Variants in GLCCI1 observed in about 807,000 individuals in gnomAD.
GLCCI1 encodes glucocorticoid-induced transcript 1 protein.
GLCCI1 carries 24 observed loss-of-function variants against 52.2 expected under a neutral mutation model. The ratio of observed to expected loss-of-function variants is 0.46; its 90% CI spans 0.33 to 0.65. GLCCI1 has a LOEUF of 0.65. GLCCI1 is among the 30% of genes least tolerant of loss of function. The pLI, the probability that GLCCI1 is intolerant of heterozygous loss-of-function variation, is 0.02. For missense variants in GLCCI1, 704 were observed against 701.5 expected, an observed-to-expected ratio of 1.00 and a Z score of -0.04; for synonymous variants, 310 against 276.5, an observed-to-expected ratio of 1.12 and a Z score of -1.20.
chr7:8,004,255 C>T (rs566903634), intron 2 of GLCCI1, 196 bp downstream of exon 2: 6 of 516,730 alleles, frequency 1.2e-5, no homozygotes, highest in African/African-American at 9.5e-5. Context: ...TTTTGAAATT[C>T]TTTAATACTT....
At chr7:8,011,473 T>C (rs189828237) in intron 2 of GLCCI1, among the ~76,000 whole-genome samples, 1 of 152,342 alleles carries the variant, frequency 6.6e-6, no homozygotes, top group Admixed American at 6.5e-5. Flanking sequence ...TGTGTCAAAA[T>C]TTCCTTCCTT....
chr7:7,984,121 C>T (rs1012361364), intron 1 of GLCCI1, among the ~76,000 whole-genome samples: 2 of 152,104 alleles, frequency 1.3e-5, no homozygotes, highest in South Asian at 4.1e-4. Context: ...ATTGCAGTGG[C>T]GCAATCATGG....
chr7:8,076,713 CTTAA>C (rs905196875), intron 6 of GLCCI1, among the ~76,000 whole-genome samples: 3 of 152,116 alleles, frequency 2.0e-5, no homozygotes, highest in Non-Finnish European at 4.4e-5. Flanking sequence ...ATATATTTCA[CTTAA>C]TTGTTTGTCT....
At position 8,086,638 on chromosome 7, in the gene GLCCI1, T is replaced by C; in HGVS notation, c.*100T>C. 1.1e-6 allele frequency: 1 copy of C among 882,116 alleles called. No individual in the cohort carries two copies. Among genetic ancestry groups the C allele is most frequent in the Non-Finnish European group, 1.8e-6 (1 of 567,382 alleles). The allele number at this position is 882,116 out of a possible 1,614,324, so 54.6% of individuals were successfully genotyped here. On this transcript the variant is annotated 3_prime_UTR_variant, in exon 8 of 8. Transcript: ENST00000223145. The surrounding 1 kb of genome is among the most constrained non-coding windows in gnomAD (Gnocchi z 4.4). Reference sequence around the variant, plus strand: ...ACTTTCTGAACACCACCACCACCAATAATACTTATCAGCATCATAAAGTAT... The same window carrying C: ...ACTTTCTGAACACCACCACCACCAACAATACTTATCAGCATCATAAAGTAT...
chr7:7,979,931 T>G (rs1340251501), intron 1 of GLCCI1, among the ~76,000 whole-genome samples: 3 of 152,166 alleles, frequency 2.0e-5, no homozygotes, highest in Non-Finnish European at 4.4e-5. Context: ...TTTCTTTATC[T>G]TTCTGTCTTT....
At chr7:7,976,615 A>G (rs1037051816) in intron 1 of GLCCI1, among the ~76,000 whole-genome samples, 18 of 151,254 alleles carry the variant, frequency 1.2e-4, no homozygotes, top group Admixed American at 4.6e-4. Flanking sequence ...GGTTATTAGA[A>G]TTGTTAAGAA....
intron 3 of GLCCI1, among the ~76,000 whole-genome samples, chr7:8,023,408 A>T (rs955969164): frequency 2.6e-5 from 4 of 151,910 alleles, no homozygotes; most frequent in African/African-American, 9.7e-5. Flanking sequence ...ATTTATTATG[A>T]ATAACCTGAG....
Position 8,003,929 on chromosome 7 carries a change from A to G in GLCCI1, c.479A>G (p.Gln160Arg). 6.2e-7 allele frequency: 1 copy of G among 1,612,036 alleles called. No homozygotes were observed. ...VCRADKAKSQ[Q>R]VRTSSTIRRT... ...GTAGCGGACAAGGCAAAATCTCAGC[A>G]AGTTCGGACCTCTAGTACAATAAGG... Residue 160 changes from glutamine to arginine, a missense_variant, in exon 2 of 8, where the codon CAA becomes CGA. Gln to Arg is a conservative substitution (Grantham distance 43). This residue lies in a region of GLCCI1 where 547 missense variants were observed against 524.8 expected (regional missense o/e 1.04). Transcript: ENST00000223145.
intron 3 of GLCCI1, among the ~76,000 whole-genome samples, chr7:8,048,419 T>G (rs1042846004): frequency 7.9e-5 from 12 of 151,330 alleles, no homozygotes; most frequent in Admixed American, 2.0e-4. Context: ...CCAATTTTTT[T>G]GGGGAGGTGG....
chr7:8,071,250 G>C, intron 6 of GLCCI1, 119 bp downstream of exon 6: 1 of 763,638 alleles, frequency 1.3e-6, no homozygotes, highest in South Asian at 1.8e-5. Flanking sequence ...TCAAAGATTG[G>C]TTAATCTAGG....
Position 8,086,215 on chromosome 7 carries a change from CCT to C in GLCCI1, c.1326_1327del (p.Ser444MetfsTer3). ...TAGGTCTCGTCAGCCTATCTCGGCC[CCT>C]CTCTTTTCATGTCCTGACAAAAACA... ...EMASRQPISA[P>X]LFSCPDKNKV... On this transcript the variant is annotated frameshift_variant, in exon 8 of 8. Coordinates refer to ENST00000223145, the MANE Select transcript of GLCCI1 (RefSeq NM_138426.4). LOFTEE classifies it high-confidence loss of function. This position sits in a 1 kb window ranked among gnomAD's most constrained non-coding sequence, Gnocchi z 4.4. 6.2e-7 allele frequency: 1 copy of C among 1,613,578 alleles called. No homozygotes were observed. Among genetic ancestry groups the C allele is most frequent in the Non-Finnish European group, 8.5e-7 (1 of 1,179,838 alleles).
At chr7:8,029,729 C>T (rs11984078) in intron 3 of GLCCI1, among the ~76,000 whole-genome samples, 63,677 of 151,810 alleles carry the variant, frequency 0.42, 13,616 homozygotes, top group Middle Eastern at 0.52. Context: ...ACAAAGTCAA[C>T]ATACAAAAAT....
chr7:8,044,839 C>T (rs1237934603), intron 3 of GLCCI1, among the ~76,000 whole-genome samples: 3 of 152,078 alleles, frequency 2.0e-5, no homozygotes, highest in South Asian at 4.1e-4. Context: ...TACATTTTAT[C>T]TACATTTATG....
chr7:8,009,119 A>G, intron 2 of GLCCI1, among the ~76,000 whole-genome samples: 1 of 152,204 alleles, frequency 6.6e-6, no homozygotes, highest in East Asian at 1.9e-4. Flanking sequence ...ACTGCTGGTT[A>G]TTTAGAGTCA....
At position 8,013,060 on chromosome 7, in the gene GLCCI1, A is replaced by G. The variant is rs117946808; in HGVS notation, c.609+9001A>G. On this transcript the variant is annotated intron_variant, in intron 2 of 7. Coordinates refer to ENST00000223145, the MANE Select transcript of GLCCI1 (RefSeq NM_138426.4). ...CCCATTGAATGGCCTCGACACCCTTATCAAAAATCAATTTACCGTATATGC... is the reference window on the plus strand; with the variant it reads ...CCCATTGAATGGCCTCGACACCCTTGTCAAAAATCAATTTACCGTATATGC... Among the ~76,000 whole-genome samples, 6 of 152,358 alleles carry G rather than the reference A, an allele frequency of 3.9e-5. No homozygotes were observed. In the East Asian group the frequency reaches 9.6e-4, roughly 24 times the overall value.
intron 6 of GLCCI1, 134 bp from the exon 7 acceptor site, chr7:8,084,763 T>C: frequency 5.0e-6 from 4 of 793,604 alleles, no homozygotes; most frequent in South Asian, 1.9e-5. Context: ...GTATAAGAAA[T>C]AGCTTTGCAA....
intron 2 of GLCCI1, among the ~76,000 whole-genome samples, chr7:8,016,413 G>A (rs1016463207): frequency 2.0e-5 from 3 of 152,050 alleles, no homozygotes; most frequent in East Asian, 1.9e-4. Flanking sequence ...AGCTTGCAGC[G>A]AGCCGAGATC....
intron 1 of GLCCI1, among the ~76,000 whole-genome samples, chr7:7,986,267 C>A (rs901469233): frequency 6.6e-5 from 10 of 151,974 alleles, no homozygotes; most frequent in African/African-American, 2.2e-4. Context: ...AATCCCAGCA[C>A]TCTGGGAGGC....
chr7:8,024,862 T>TTCCTTGTCCC (rs1477745336), intron 3 of GLCCI1: 12 of 152,234 alleles, frequency 7.9e-5, no homozygotes, highest in African/African-American at 2.4e-4. Flanking sequence ...TTTTCTCCTT[T>TTCCTTGTCCC]TCCTTGTCCC....
Sources: gnomAD v4.1 joint callset for allele counts (sites outside exome capture counted in the v4.1 genomes callset) on GRCh38, gnomAD v4.1.1 for gene constraint, gnomAD v4.1.1 regional missense constraint, Gnocchi (gnomAD v3.1) non-coding constraint, MANE v1.5 for transcripts, NCBI Gene and HGNC (gene_info 2026-07-23, HGNC 2026-07-21) for gene names.